The following NDST1 variants were observed in gnomAD, a reference collection of about 807,000 sequenced individuals.
The protein encoded by NDST1 is bifunctional heparan sulfate N-deacetylase/N-sulfotransferase 1.
In NDST1, 35 loss-of-function variants were observed where a neutral mutation model predicts 92.8. The ratio of observed to expected loss-of-function variants is 0.38; its 90% CI spans 0.29 to 0.50. The LOEUF (loss-of-function observed/expected upper bound fraction) is 0.50, where lower values mean the gene tolerates loss of function less well. Ranked by LOEUF, NDST1 falls within the 20% of genes least tolerant of loss-of-function variation. The pLI, the probability that NDST1 is intolerant of heterozygous loss-of-function variation, is 0.94. For missense variants in NDST1, 822 were observed against 1,182.7 expected (o/e 0.69, Z 4.47); for synonymous variants, 493 against 500.3 (o/e 0.99, Z 0.19).
At chr5:150,536,054 G>A (rs1332954687) in intron 6 of NDST1, among the ~76,000 whole-genome samples, 169 bp downstream of exon 6, 1 of 152,224 alleles carries the variant, frequency 6.6e-6, no homozygotes, top group Non-Finnish European at 1.5e-5. Flanking sequence ...CAGGGAAGGT[G>A]GGCTGCCACT....
In NDST1 at chr5:150,513,100, G is replaced by A. The variant is rs1025969502; in HGVS notation, c.-388+4874G>A. 4.6e-5 allele frequency among the ~76,000 whole-genome samples: 7 copies of A among 152,098 alleles called. No individual in the cohort carries two copies. The East Asian group carries it at 1.3e-3, about 29-fold the overall frequency. On this transcript the variant is annotated intron_variant, in intron 1 of 14. Transcript: ENST00000261797. Reference sequence around the variant, plus strand: ...GGTCCTAGCTGCTTGGGAGACTGAGGTAGGAGGATCACTTGAGCGTGGGAA... The same window carrying A: ...GGTCCTAGCTGCTTGGGAGACTGAGATAGGAGGATCACTTGAGCGTGGGAA...
chr5:150,539,970 T>C, intron 7 of NDST1, 112 bp from the exon 8 acceptor site: 7 of 1,407,562 alleles, frequency 5.0e-6, no homozygotes, highest in Non-Finnish European at 6.9e-6. Flanking sequence ...TAACTTCCAC[T>C]GGTCATCAGG....
chr5:150,502,372 A>G (rs1753273292), intron 1 of NDST1, among the ~76,000 whole-genome samples: 1 of 151,996 alleles, frequency 6.6e-6, no homozygotes, highest in Non-Finnish European at 1.5e-5. Flanking sequence ...TAGAGTGTTG[A>G]CCGCAAGGTT....
In NDST1 at chr5:150,549,665, T is replaced by C. The variant is rs1232381021; in HGVS notation, c.2317-13T>C. The C allele has an allele frequency of 6.3e-7, 1 of 1,577,422 alleles. No individual in the cohort carries two copies. The highest frequency in any genetic ancestry group is 1.3e-5 in the African/African-American group (1 of 74,258). ...AGTCAAAGCAGGTCCCGATCCCCTT[T>C]CTCCCTTTCCAGATTCTGGTCTTGG... On this transcript the variant is annotated splice_polypyrimidine_tract_variant and intron_variant, in intron 12 of 14. Coordinates refer to ENST00000261797, the MANE Select transcript of NDST1 (RefSeq NM_001543.5).
At chr5:150,534,669 C>T (rs1047919575) in intron 4 of NDST1, among the ~76,000 whole-genome samples, 198 bp from the exon 5 acceptor site, 6 of 152,238 alleles carry the variant, frequency 3.9e-5, no homozygotes, top group Non-Finnish European at 5.9e-5. Flanking sequence ...AGGTCCCCCA[C>T]TGAGTCAAGG....
chr5:150,536,941 C>T lies in NDST1; in HGVS notation c.1437+1056C>T, dbSNP rs527970304. 3.3e-5 allele frequency among the ~76,000 whole-genome samples: 5 copies of T among 152,352 alleles called. No homozygotes were observed. In the South Asian group the frequency reaches 1.0e-3, roughly 32 times the overall value. On this transcript the variant is annotated intron_variant, in intron 6 of 14. Coordinates refer to ENST00000261797, the MANE Select transcript of NDST1 (RefSeq NM_001543.5). The stretch of plus-strand genomic sequence containing the variant: ...GAGGAAAGTTCCTGCCCTTGTAGAC[C>T]TGACATTCTAGTGGCAGGAGACAGA...
chr5:150,516,170 T>A (rs1198692884), intron 1 of NDST1, among the ~76,000 whole-genome samples: 2 of 152,228 alleles, frequency 1.3e-5, no homozygotes, highest in Non-Finnish European at 2.9e-5. Context: ...CCTGGCTGCC[T>A]GGCCCTCTGT....
rs1755836493 is a variant in NDST1 at position 150,554,741 on chromosome 5, GGCTGGGA to G, written c.*1414_*1420del. On this transcript the variant is annotated 3_prime_UTR_variant, in exon 15 of 15. Coordinates refer to ENST00000261797, the MANE Select transcript of NDST1 (RefSeq NM_001543.5). ...ACCCACTCTCCCTCACATGGTGCTA[GGCTGGGA>G]GCTGCCCTGAGAGCTGGGATGCCCA... 6.5e-6 allele frequency: 1 copy of G among 152,806 alleles called. No individual in the cohort carries two copies. Among genetic ancestry groups the G allele is most frequent in the African/African-American group, 2.4e-5 (1 of 41,436 alleles). 9.5% of individuals were successfully genotyped at this position (152,806 alleles called of 1,614,324 possible). A position where few individuals can be genotyped will look rare whatever the true frequency, so the allele number is the denominator to read the frequency against.
Position 150,521,821 on chromosome 5 carries a change from G to T in NDST1, c.513+54G>T. ...TTCAGAGCCCCCTCTGCAGCTCAGT[G>T]CCTGAATTCTCATTTGTGAAATAGG... On this transcript the variant is annotated intron_variant, in intron 2 of 14. Coordinates refer to ENST00000261797, the MANE Select transcript of NDST1 (RefSeq NM_001543.5). This position sits in a 1 kb window ranked among gnomAD's most constrained non-coding sequence, Gnocchi z 5.9. 6.2e-7 allele frequency: 1 copy of T among 1,603,360 alleles called. No homozygotes were observed.
Position 150,554,193 on chromosome 5 carries a change from GCTTTGCTTAGCCAC to G in NDST1, c.*864_*877del. 5.0e-6 allele frequency: 2 copies of G among 398,406 alleles called. No homozygotes were observed. The highest frequency in any genetic ancestry group is 7.1e-5 in the East Asian group (2 of 28,052). 24.7% of individuals were successfully genotyped at this position (398,406 alleles called of 1,614,324 possible). ...CGAGCTGGTGAGACTGCCAGCCACG[GCTTTGCTTAGCCAC>G]CTGTGGCCGAGGGCTCTCAGAGACC... On this transcript the variant is annotated 3_prime_UTR_variant, in exon 15 of 15. Transcript: ENST00000261797.
chr5:150,498,645 T>TCCTTTTGTC (rs1753099756), intron 1 of NDST1, among the ~76,000 whole-genome samples: 1 of 152,198 alleles, frequency 6.6e-6, no homozygotes, highest in Non-Finnish European at 1.5e-5. Context: ...CAGGGCACGA[T>TCCTTTTGTC]TCTCAACCTC....
intron 3 of NDST1, among the ~76,000 whole-genome samples, chr5:150,531,295 C>T (rs1316908439): frequency 3.3e-5 from 5 of 152,008 alleles, no homozygotes; most frequent in African/African-American, 1.2e-4. Context: ...GTTCTGAGTC[C>T]CATTTAACAG....
At chr5:150,499,465 T>A (rs562340486) in intron 1 of NDST1, among the ~76,000 whole-genome samples, 205 of 152,336 alleles carry the variant, frequency 1.3e-3, no homozygotes, top group African/African-American at 4.7e-3. Context: ...CTTTGTGGGC[T>A]CTTCTAAGGC....
At chr5:150,532,043 A>C (rs1468984018) in intron 3 of NDST1, among the ~76,000 whole-genome samples, 2 of 152,188 alleles carry the variant, frequency 1.3e-5, no homozygotes, top group Non-Finnish European at 2.9e-5. Flanking sequence ...ATGAAGACAC[A>C]GGCTTACAGC....
intron 6 of NDST1, among the ~76,000 whole-genome samples, 157 bp from the exon 7 acceptor site, chr5:150,539,071 C>T (rs991369468): frequency 2.6e-5 from 4 of 152,206 alleles, no homozygotes; most frequent in South Asian, 2.1e-4. Flanking sequence ...CTGGGGGGAA[C>T]GCTGTGCTGT....
At chr5:150,507,709 T>G (rs1157840038), upstream of NDST1, 2 of 152,448 alleles carry the variant, frequency 1.3e-5, no homozygotes, top group Non-Finnish European at 2.9e-5. Flanking sequence ...GTGGGGAAAC[T>G]GAGGTCTGGA....
At chr5:150,509,481 C>T (rs1229505901) in intron 1 of NDST1, among the ~76,000 whole-genome samples, 1 of 152,170 alleles carries the variant, frequency 6.6e-6, no homozygotes, top group Non-Finnish European at 1.5e-5. Flanking sequence ...CCTGCCTCTT[C>T]CTTAGCATGA....
intron 4 of NDST1, among the ~76,000 whole-genome samples, chr5:150,533,524 C>G (rs1754841074): frequency 6.6e-6 from 1 of 152,148 alleles, no homozygotes. Context: ...TTTCCTTCCT[C>G]TTTGGGGCTC....
rs555332160 is a variant in NDST1, at chr5:150,526,825, GGAAGGTCAT to G, written c.514-973_514-965del. ...CAGGGGCAGGTGGCTGAGAGGGTGAGGAAGGTCATGAAGGAACAGGGGCTGTGAGCCTAA... is the reference window on the plus strand; with the variant it reads ...CAGGGGCAGGTGGCTGAGAGGGTGAGGAAGGAACAGGGGCTGTGAGCCTAA... On this transcript the variant is annotated intron_variant, in intron 2 of 14. Transcript: ENST00000261797. Among the ~76,000 whole-genome samples the G allele has an allele frequency of 6.5e-3, 992 of 152,290 alleles. 7 individuals carry two copies. The highest frequency in any genetic ancestry group is 0.022 in the African/African-American group (933 of 41,550).
Sources: gnomAD v4.1 joint callset for allele counts (sites outside exome capture counted in the v4.1 genomes callset) on GRCh38, gnomAD v4.1.1 for gene constraint, Gnocchi (gnomAD v3.1) non-coding constraint, MANE v1.5 for transcripts, NCBI Gene and HGNC (gene_info 2026-07-23, HGNC 2026-07-21) for gene names.